Variants in CSMD1 observed in about 807,000 individuals in gnomAD.
The protein encoded by CSMD1 is CUB and sushi domain-containing protein 1.
CSMD1 carries 213 observed loss-of-function variants against 417.5 expected under a neutral mutation model. The observed-to-expected ratio is 0.51, with a 90% CI of 0.46 to 0.57. The LOEUF (loss-of-function observed/expected upper bound fraction) is 0.57. Among genes scored for constraint, CSMD1 ranks in the 20% least tolerant of loss-of-function variants. The pLI, the probability that CSMD1 is intolerant of heterozygous loss-of-function variation, is 0.00. For missense variants in CSMD1, 6,923 were observed against 4,529.7 expected (o/e 1.53, Z -15.17); for synonymous variants, 2,862 against 1,736.8 (o/e 1.65, Z -16.11).
At chr8:4,917,403 G>C (rs906054929) in intron 1 of CSMD1, among the ~76,000 whole-genome samples, 3 of 152,164 alleles carry the variant, frequency 2.0e-5, no homozygotes, top group Non-Finnish European at 2.9e-5. Flanking sequence ...GGGAGGCCAA[G>C]GTGGGCAGAC....
chr8:4,929,208 A>C (rs1807072805), intron 1 of CSMD1, among the ~76,000 whole-genome samples: 1 of 152,202 alleles, frequency 6.6e-6, no homozygotes, highest in African/African-American at 2.4e-5. Flanking sequence ...GAGGGGACAC[A>C]GTGAGAAGGC....
At chr8:2,959,168 C>G (rs1182558582) in intron 62 of CSMD1, among the ~76,000 whole-genome samples, 4 of 152,206 alleles carry the variant, frequency 2.6e-5, no homozygotes, top group Non-Finnish European at 5.9e-5. Context: ...CACAGTGGTG[C>G]AATCATAGCT....
Position 3,336,625 on chromosome 8 carries a change from G to C in CSMD1, c.3631+6669C>G, listed in dbSNP as rs560728608. Among the ~76,000 whole-genome samples, 9 of 152,300 alleles carry C rather than the reference G, an allele frequency of 5.9e-5. 1 individual carries two copies. In the South Asian group the frequency reaches 1.9e-3, roughly 32 times the overall value. ...GTCTCACTTTACCACAGAGCAAGGG[G>C]CACACTGAGAGCATGTACTTCATCA... On this transcript the variant is annotated intron_variant, in intron 23 of 69. Transcript: ENST00000635120.
chr8:3,284,404 T>C (rs982554716), intron 25 of CSMD1, 58 bp from the exon 26 acceptor site: 6 of 1,346,012 alleles, frequency 4.5e-6, no homozygotes, highest in Admixed American at 1.8e-5. Flanking sequence ...CCTGACCCCA[T>C]AGCTGTAAAG....
chr8:3,389,340 T>G (rs1811207524), intron 17 of CSMD1, among the ~76,000 whole-genome samples: 1 of 152,108 alleles, frequency 6.6e-6, no homozygotes, highest in African/African-American at 2.4e-5. Context: ...ATCATTTAGC[T>G]CCCACTTATA....
intron 12 of CSMD1, among the ~76,000 whole-genome samples, chr8:3,465,225 T>C (rs1178249089): frequency 6.6e-6 from 1 of 152,168 alleles, no homozygotes; most frequent in African/African-American, 2.4e-5. Flanking sequence ...TTTCAGGGGA[T>C]GCACAGGCCC....
At chr8:4,786,677 C>A (rs937341769) in intron 1 of CSMD1, among the ~76,000 whole-genome samples, 7 of 152,172 alleles carry the variant, frequency 4.6e-5, no homozygotes, top group African/African-American at 1.4e-4. Context: ...TTACAAAATT[C>A]TGTTCTATCT....
At chr8:2,966,092 C>T (rs1803930317) in intron 58 of CSMD1, 138 bp from the exon 59 acceptor site, 1 of 709,244 alleles carries the variant, frequency 1.4e-6, no homozygotes, top group Non-Finnish European at 2.4e-6. Flanking sequence ...CAATACTACC[C>T]TCTGTGTGAT....
chr8:3,762,777 A>G (rs1798082843), intron 5 of CSMD1, among the ~76,000 whole-genome samples: 1 of 152,160 alleles, frequency 6.6e-6, no homozygotes, highest in Non-Finnish European at 1.5e-5. Flanking sequence ...AGAAAGAGTT[A>G]AGCTGCTGAC....
rs76493483 is a variant in CSMD1 at position 3,995,164 on chromosome 8, T to A, written c.818+2739A>T. Among the ~76,000 whole-genome samples, 977 of 152,336 alleles carry A rather than the reference T, an allele frequency of 6.4e-3. 53 individuals carry two copies. In the East Asian group the frequency reaches 0.13, roughly 21 times the overall value. Reference sequence around the variant, plus strand: ...TAAGATAAATCATATTATGCATTTGTATAGGCCTTAAAAGGGTACTTCAAA... The same window carrying A: ...TAAGATAAATCATATTATGCATTTGAATAGGCCTTAAAAGGGTACTTCAAA... On this transcript the variant is annotated intron_variant, in intron 5 of 69. Transcript: ENST00000635120.
At chr8:2,980,858 C>T (rs1316194560) in intron 54 of CSMD1, among the ~76,000 whole-genome samples, 3 of 152,164 alleles carry the variant, frequency 2.0e-5, no homozygotes, top group Non-Finnish European at 4.4e-5. Context: ...CCTACCCTTT[C>T]CTTTACCTAG....
In CSMD1 at chr8:3,383,094, C is replaced by A. The variant is rs113722247; in HGVS notation, c.2782+4400G>T. On this transcript the variant is annotated intron_variant, in intron 18 of 69. Coordinates refer to ENST00000635120, the MANE Select transcript of CSMD1 (RefSeq NM_033225.6). Reference sequence around the variant, plus strand: ...AAATGGATCTGGACACTACATCGTTCCTTACCACAAATCCACAAATTTTTA... The same window carrying A: ...AAATGGATCTGGACACTACATCGTTACTTACCACAAATCCACAAATTTTTA... Among the ~76,000 whole-genome samples the A allele has an allele frequency of 4.4e-3, 424 of 95,446 alleles. 1 individual carries two copies. Among genetic ancestry groups the A allele is most frequent in the Non-Finnish European group, 8.3e-3 (359 of 43,166 alleles). The allele number at this position is 95,446 out of a possible 152,430, so 62.6% of individuals were successfully genotyped here.
chr8:3,260,201 A>G lies in CSMD1; in HGVS notation c.4153+23943T>C, dbSNP rs1800952387. On this transcript the variant is annotated intron_variant, in intron 26 of 69. Transcript: ENST00000635120. ...AAAGTGCTTTATTATCTGCTTCCTC[A>G]CCCTGAATTGAACTCTTTATGCATA... Among the ~76,000 whole-genome samples the G allele has an allele frequency of 5.3e-5, 8 of 152,036 alleles. 1 individual carries two copies. In the South Asian group the frequency reaches 1.7e-3, roughly 32 times the overall value.
chr8:4,403,121 GC>G, intron 3 of CSMD1, among the ~76,000 whole-genome samples: 1 of 151,954 alleles, frequency 6.6e-6, no homozygotes, highest in Non-Finnish European at 1.5e-5. Flanking sequence ...GTGAGCCACT[GC>G]CCCCGGCCAA....
intron 26 of CSMD1, among the ~76,000 whole-genome samples, chr8:3,273,889 C>T (rs543287378): frequency 2.8e-4 from 43 of 152,158 alleles, no homozygotes; most frequent in African/African-American, 8.2e-4. Context: ...CTCCTGGATT[C>T]GTTAATTTTT....
intron 2 of CSMD1, among the ~76,000 whole-genome samples, chr8:4,618,612 G>C (rs563934476): frequency 4.6e-5 from 7 of 152,012 alleles, no homozygotes; most frequent in Non-Finnish European, 7.4e-5. Flanking sequence ...GTTTTTCTGA[G>C]CTTCAGATCT....
intron 7 of CSMD1, among the ~76,000 whole-genome samples, chr8:3,690,614 T>A (rs138894534): frequency 6.6e-6 from 1 of 152,200 alleles, no homozygotes; most frequent in African/African-American, 2.4e-5. Context: ...TGTGATGATA[T>A]CATAGCTTCC....
chr8:3,318,431 A>AAGAT (rs1805924836), intron 23 of CSMD1, among the ~76,000 whole-genome samples: 1 of 152,204 alleles, frequency 6.6e-6, no homozygotes, highest in Non-Finnish European at 1.5e-5. Flanking sequence ...CTAGACGCCG[A>AAGAT]AGATACAAAA....
Position 4,738,672 on chromosome 8 carries a change from TA to T in CSMD1, c.86-101115del, listed in dbSNP as rs537691043. Reference sequence around the variant, plus strand: ...TCGTTTCTGTCATTTTTTGACAAAGTAAAAAAAATCAGTATATTATATAAAT... The same window carrying T: ...TCGTTTCTGTCATTTTTTGACAAAGTAAAAAAATCAGTATATTATATAAAT... On this transcript the variant is annotated intron_variant, in intron 1 of 69. Transcript: ENST00000635120. 4.1e-3 allele frequency among the ~76,000 whole-genome samples: 618 copies of T among 152,030 alleles called. 2 individuals are homozygous for T. The highest frequency in any genetic ancestry group is 0.014 in the African/African-American group (582 of 41,474).
Sources: allele counts gnomAD v4.1 joint callset (sites outside exome capture counted in the v4.1 genomes callset), GRCh38; gene constraint gnomAD v4.1.1; transcripts MANE v1.5; gene names NCBI Gene and HGNC (gene_info 2026-07-23, HGNC 2026-07-21).